Variants in EEFSEC observed in about 807,000 individuals in gnomAD.
The protein encoded by EEFSEC is eukaryotic elongation factor, selenocysteine-tRNA specific, also known as selenocysteine-specific elongation factor.
EEFSEC carries 43 observed loss-of-function variants against 42.1 expected under a neutral mutation model. The ratio of observed to expected loss-of-function variants is 1.02; its 90% CI spans 0.80 to 1.32. The LOEUF is 1.32. Among genes scored for constraint, EEFSEC ranks in the 40% most tolerant of loss-of-function variants. EEFSEC has a pLI of 0.00. For synonymous variants in EEFSEC, 354 were observed against 339.1 expected (o/e 1.04, Z -0.48); for missense variants, 745 against 803.6 (o/e 0.93, Z 0.88).
chr3:128,335,208 C>A (rs1032972270), intron 4 of EEFSEC, among the ~76,000 whole-genome samples: 1 of 152,194 alleles, frequency 6.6e-6, no homozygotes, highest in African/African-American at 2.4e-5. Context: ...TGGAAAAAAA[C>A]AAAGCAAAGC....
At chr3:128,346,468 A>G (rs1486499069) in intron 5 of EEFSEC, among the ~76,000 whole-genome samples, 1 of 152,190 alleles carries the variant, frequency 6.6e-6, no homozygotes, top group Non-Finnish European at 1.5e-5. Context: ...AGATGGGAAT[A>G]TCGTGATGTC....
chr3:128,358,759 C>T (rs6785384), intron 6 of EEFSEC, among the ~76,000 whole-genome samples: 45,289 of 151,996 alleles, frequency 0.3, 7,173 homozygotes, highest in East Asian at 0.46. Flanking sequence ...TGTCCTGGCA[C>T]GTGGTAAGGT....
chr3:128,288,857 T>G (rs1484667424), intron 4 of EEFSEC, among the ~76,000 whole-genome samples: 1 of 152,246 alleles, frequency 6.6e-6, no homozygotes, highest in East Asian at 1.9e-4. Flanking sequence ...AAGTTATTTT[T>G]GGTCAAGGCA....
At chr3:128,405,661 G>A (rs1405987748) in intron 6 of EEFSEC, among the ~76,000 whole-genome samples, 2 of 152,270 alleles carry the variant, frequency 1.3e-5, no homozygotes, top group Non-Finnish European at 2.9e-5. Context: ...AGCTTGATGT[G>A]CGAGCCTTAT....
chr3:128,405,993 C>A (rs951112846), intron 6 of EEFSEC, among the ~76,000 whole-genome samples: 3 of 152,368 alleles, frequency 2.0e-5, no homozygotes, highest in Admixed American at 2.0e-4. Flanking sequence ...GAGCCACCAC[C>A]CACTGGGGCT....
chr3:128,320,703 G>A (rs1470137292), intron 4 of EEFSEC, among the ~76,000 whole-genome samples: 1 of 152,242 alleles, frequency 6.6e-6, no homozygotes, highest in East Asian at 1.9e-4. Context: ...ATGCAAAGAT[G>A]AATTAGAGTG....
At chr3:128,161,251 C>T (rs1484074432) in intron 1 of EEFSEC, among the ~76,000 whole-genome samples, 1 of 152,120 alleles carries the variant, frequency 6.6e-6, no homozygotes, top group Non-Finnish European at 1.5e-5. Flanking sequence ...CAAAAAGATT[C>T]AGTAATGTAT....
At chr3:128,275,856 A>G (rs1323090230) in intron 4 of EEFSEC, among the ~76,000 whole-genome samples, 1 of 152,052 alleles carries the variant, frequency 6.6e-6, no homozygotes, top group East Asian at 1.9e-4. Context: ...AGTAGGGAGG[A>G]TGTTTGGAAG....
the EEFSEC span, among the ~76,000 whole-genome samples, chr3:128,417,470 C>T: frequency 2.6e-5 from 4 of 152,088 alleles, no homozygotes; most frequent in African/African-American, 7.2e-5. The surrounding 1 kb of genome is among the most constrained non-coding windows in gnomAD (Gnocchi z 4.3). Flanking sequence ...CCCCCAGCCC[C>T]GCAGTAAAAA....
intron 4 of EEFSEC, among the ~76,000 whole-genome samples, chr3:128,289,967 A>G (rs2107982473): frequency 6.6e-6 from 1 of 152,342 alleles, no homozygotes; most frequent in Non-Finnish European, 1.5e-5. Context: ...AAGAGTTCTT[A>G]TATATTTAGG....
intron 4 of EEFSEC, among the ~76,000 whole-genome samples, chr3:128,300,866 G>C (rs1450573302): frequency 1.3e-5 from 2 of 151,900 alleles, no homozygotes; most frequent in Admixed American, 1.3e-4. Flanking sequence ...TAGATACTTA[G>C]TGTTTTTTAA....
the EEFSEC span, among the ~76,000 whole-genome samples, chr3:128,418,517 C>A: frequency 6.6e-6 from 1 of 151,928 alleles, no homozygotes; most frequent in Admixed American, 6.6e-5. Flanking sequence ...AGGCTACTCC[C>A]TGGGATCACA....
intron 6 of EEFSEC, among the ~76,000 whole-genome samples, chr3:128,376,212 C>T (rs956370141): frequency 5.3e-5 from 8 of 152,220 alleles, no homozygotes; most frequent in African/African-American, 1.9e-4. Flanking sequence ...TCATGTGCTC[C>T]TCTTGGCACC....
intron 2 of EEFSEC, among the ~76,000 whole-genome samples, chr3:128,260,992 C>T (rs577123269): frequency 2.0e-5 from 3 of 151,990 alleles, no homozygotes; most frequent in African/African-American, 7.2e-5. Flanking sequence ...ACATTCATGC[C>T]CGCTGACATG....
At chr3:128,240,117 C>T (rs1286614279) in intron 1 of EEFSEC, among the ~76,000 whole-genome samples, 1 of 152,224 alleles carries the variant, frequency 6.6e-6, no homozygotes, top group Non-Finnish European at 1.5e-5. Flanking sequence ...AGGGCCTGGT[C>T]GTGACCGCCC....
intron 2 of EEFSEC, among the ~76,000 whole-genome samples, chr3:128,251,376 A>G (rs1023822860): frequency 1.3e-5 from 2 of 152,172 alleles, no homozygotes; most frequent in African/African-American, 4.8e-5. Flanking sequence ...ACATTTCTAA[A>G]CTTTTTGCTG....
At chr3:128,400,362 G>T (rs2068034892) in intron 6 of EEFSEC, among the ~76,000 whole-genome samples, 1 of 152,194 alleles carries the variant, frequency 6.6e-6, no homozygotes, top group Non-Finnish European at 1.5e-5. Context: ...TGTTCCTAGG[G>T]CCCAGTATCC....
chr3:128,416,095 G>T, the EEFSEC span, among the ~76,000 whole-genome samples: 2 of 152,174 alleles, frequency 1.3e-5, no homozygotes, highest in East Asian at 1.9e-4. Context: ...TTGGGCTGCC[G>T]ATAAGGAGAG....
intron 6 of EEFSEC, among the ~76,000 whole-genome samples, chr3:128,388,080 A>G (rs992093242): frequency 2.6e-5 from 4 of 152,362 alleles, no homozygotes; most frequent in South Asian, 2.1e-4. Flanking sequence ...TACACCCACC[A>G]GGTCCTCACT....
Sources: allele counts gnomAD v4.1 joint callset (sites outside exome capture counted in the v4.1 genomes callset), GRCh38; gene constraint gnomAD v4.1.1; non-coding constraint Gnocchi (gnomAD v3.1); transcripts MANE v1.5; gene names NCBI Gene and HGNC (gene_info 2026-07-23, HGNC 2026-07-21).